Variants in TOP6BL observed in about 807,000 individuals in gnomAD.
TOP6BL encodes the protein TOP6B like initiator of meiotic double strand breaks, also known as type 2 DNA topoisomerase 6 subunit B-like.
chr11:66,765,929 C>T, the TOP6BL span, among the ~76,000 whole-genome samples: 4 of 152,110 alleles, frequency 2.6e-5, no homozygotes, highest in Admixed American at 2.0e-4. Flanking sequence ...ATTAATTATG[C>T]CTTTTTTACT....
the TOP6BL span, among the ~76,000 whole-genome samples, chr11:66,784,240 A>G: frequency 6.6e-6 from 1 of 152,040 alleles, no homozygotes; most frequent in Non-Finnish European, 1.5e-5. Context: ...TCACTGTGTT[A>G]GCCAGGATGG....
At chr11:66,821,752 C>T in the TOP6BL span, 7 of 1,613,244 alleles carry the variant, frequency 4.3e-6, no homozygotes, top group Non-Finnish European at 5.9e-6. Flanking sequence ...AGCAACATCA[C>T]CAGGCTGCCA....
chr11:66,830,820 A>T, the TOP6BL span, among the ~76,000 whole-genome samples: 5 of 152,222 alleles, frequency 3.3e-5, no homozygotes, highest in Non-Finnish European at 1.5e-5. Flanking sequence ...AAGAAGAAGT[A>T]CCCCTATATA....
At chr11:66,834,019 A>G in the TOP6BL span, among the ~76,000 whole-genome samples, 1 of 152,066 alleles carries the variant, frequency 6.6e-6, no homozygotes, top group Non-Finnish European at 1.5e-5. Context: ...CCTCAGGGCC[A>G]TTCATAGCCC....
chr11:66,842,772 C>G, the TOP6BL span: 2 of 1,401,244 alleles, frequency 1.4e-6, no homozygotes, highest in East Asian at 2.5e-5. Flanking sequence ...GCCCGTTCTC[C>G]CAGGCTTCCC....
chr11:66,789,931 G>A, the TOP6BL span, among the ~76,000 whole-genome samples: 69 of 152,288 alleles, frequency 4.5e-4, no homozygotes, highest in Admixed American at 4.0e-3. Flanking sequence ...GTTCAAGTCA[G>A]TGTCAGTGAG....
At chr11:66,826,240 T>C in the TOP6BL span, among the ~76,000 whole-genome samples, 1 of 152,212 alleles carries the variant, frequency 6.6e-6, no homozygotes, top group Non-Finnish European at 1.5e-5. Flanking sequence ...TAATTTTTAC[T>C]CATTATCTCA....
At chr11:66,758,994 G>A in the TOP6BL span, 12 of 1,354,794 alleles carry the variant, frequency 8.9e-6, no homozygotes, top group East Asian at 2.5e-4. Context: ...TCTTTCAATA[G>A]AATGCATTTA....
At chr11:66,821,707 A>C in the TOP6BL span, 1 of 1,613,052 alleles carries the variant, frequency 6.2e-7, no homozygotes, top group Admixed American at 1.7e-5. Flanking sequence ...GTGTAGTGCA[A>C]GGTTCCATCC....
the TOP6BL span, among the ~76,000 whole-genome samples, chr11:66,765,452 TTC>T: frequency 1.1e-4 from 16 of 152,342 alleles, no homozygotes; most frequent in East Asian, 3.1e-3. Context: ...AGCCTAAGTC[TTC>T]TCTCCAGTTG....
the TOP6BL span, among the ~76,000 whole-genome samples, chr11:66,788,649 G>A: frequency 3.3e-5 from 5 of 152,248 alleles, no homozygotes; most frequent in African/African-American, 1.2e-4. Context: ...TTCCTGGCTT[G>A]TAGACTACTG....
At chr11:66,792,851 G>T in the TOP6BL span, among the ~76,000 whole-genome samples, 1 of 152,196 alleles carries the variant, frequency 6.6e-6, no homozygotes, top group East Asian at 1.9e-4. Context: ...AATCACCAAG[G>T]TTACAAAGCT....
chr11:66,843,208 T>G, the TOP6BL span: 2 of 1,610,798 alleles, frequency 1.2e-6, no homozygotes, highest in Admixed American at 3.3e-5. Context: ...CCTGTCAGAG[T>G]GGCTGAGTCC....
chr11:66,746,521 C>T, the TOP6BL span, among the ~76,000 whole-genome samples: 1 of 152,080 alleles, frequency 6.6e-6, no homozygotes, highest in Non-Finnish European at 1.5e-5. Context: ...TCAAGACCAG[C>T]CTGATCAAAA....
the TOP6BL span, among the ~76,000 whole-genome samples, chr11:66,795,292 T>G: frequency 6.6e-6 from 1 of 151,658 alleles, no homozygotes; most frequent in Non-Finnish European, 1.5e-5. Flanking sequence ...AATATACACT[T>G]TCTTTCCTTC....
At chr11:66,840,531 G>A in the TOP6BL span, among the ~76,000 whole-genome samples, 23 of 152,078 alleles carry the variant, frequency 1.5e-4, 1 homozygote, top group South Asian at 1.9e-3. Flanking sequence ...AAAATCTCCC[G>A]TGACCTTGAA....
chr11:66,814,475 C>G, the TOP6BL span, among the ~76,000 whole-genome samples: 10 of 152,152 alleles, frequency 6.6e-5, 1 homozygote, highest in South Asian at 2.1e-3. Flanking sequence ...GTTGGCCAGG[C>G]TGGTCTTGAA....
chr11:66,784,545 A>G, the TOP6BL span, among the ~76,000 whole-genome samples: 1 of 152,232 alleles, frequency 6.6e-6, no homozygotes, highest in Non-Finnish European at 1.5e-5. Flanking sequence ...CACTCTGCTT[A>G]CTTTCATTCT....
the TOP6BL span, among the ~76,000 whole-genome samples, chr11:66,818,486 G>A: frequency 6.6e-6 from 1 of 152,152 alleles, no homozygotes; most frequent in Non-Finnish European, 1.5e-5. Flanking sequence ...GCTGTTCCCT[G>A]TGGCTTATGC....
Sources: gnomAD v4.1 joint callset for allele counts (sites outside exome capture counted in the v4.1 genomes callset) on GRCh38, gnomAD v4.1.1 for gene constraint, MANE v1.5 for transcripts, NCBI Gene and HGNC (gene_info 2026-07-23, HGNC 2026-07-21) for gene names.